NBPF9: variants seen among roughly 807,000 people sequenced by gnomAD.
The protein encoded by NBPF9 is NBPF family member NBPF9.
Under a neutral mutation model 97.8 loss-of-function variants are expected in NBPF9, and 91 were observed. That is an observed-to-expected ratio of 0.93 (90% CI 0.79 to 1.11). The LOEUF (loss-of-function observed/expected upper bound fraction) is 1.11, where lower values mean the gene tolerates loss of function less well. Ranked by LOEUF, NBPF9 falls within the 50% of genes least tolerant of loss-of-function variation. The pLI is 0.00. For missense variants in NBPF9, 992 were observed against 939.5 expected, an observed-to-expected ratio of 1.06 and a Z score of -0.73; for synonymous variants, 334 against 359.5, an observed-to-expected ratio of 0.93 and a Z score of 0.80.
At chr1:149,070,830 C>T in intron 16 of NBPF9, 104 bp downstream of exon 16, 1 of 1,441,916 alleles carries the variant, frequency 6.9e-7, no homozygotes, top group Non-Finnish European at 9.7e-7. Context: ...AGAAACCCAT[C>T]ACAGTTTTTT....
At chr1:149,075,375 A>G (rs1164176737) in intron 12 of NBPF9, among the ~76,000 whole-genome samples, 5 of 152,220 alleles carry the variant, frequency 3.3e-5, no homozygotes, top group African/African-American at 4.8e-5. Flanking sequence ...AACACGATTG[A>G]GCCTCTTGGA....
Position 149,059,948 on chromosome 1 carries a change from C to T in NBPF9, c.2477-140G>A, listed in dbSNP as rs2078490604. The T allele has an allele frequency of 2.4e-5, 10 of 423,594 alleles. 3 individuals carry two copies. The highest frequency in any genetic ancestry group is 4.3e-5 in the Admixed American group (1 of 23,236). 26.2% of individuals were successfully genotyped at this position (423,594 alleles called of 1,614,324 possible). A position where few individuals can be genotyped will look rare whatever the true frequency, so the allele number is the denominator to read the frequency against. ...ACTGTGAGAGATATATTTCAGGAGGCCTGAAGGCTGGTTATGATAGAAATT... is the reference window on the plus strand; with the variant it reads ...ACTGTGAGAGATATATTTCAGGAGGTCTGAAGGCTGGTTATGATAGAAATT... On this transcript the variant is annotated intron_variant, in intron 24 of 29. Coordinates refer to ENST00000584027, the Ensembl canonical transcript of NBPF9.
chr1:149,067,620 TCC>T (rs1246920584), intron 17 of NBPF9, among the ~76,000 whole-genome samples: 1 of 151,294 alleles, frequency 6.6e-6, no homozygotes, highest in Non-Finnish European at 1.5e-5. Flanking sequence ...TTCATCCATG[TCC>T]CTACAAAGGA....
chr1:149,097,154 A>C (rs1976449), intron 4 of NBPF9, among the ~76,000 whole-genome samples: 5,496 of 151,504 alleles, frequency 0.036, 339 homozygotes, highest in African/African-American at 0.13. Context: ...AGAGAGAAAA[A>C]GAGTGGGAGA....
chr1:149,078,865 C>T lies in NBPF9; in HGVS notation c.493+142G>A, dbSNP rs1347015393. On this transcript the variant is annotated intron_variant, in intron 9 of 29. Transcript: ENST00000584027. ...TGGGTTTCCCATCTCTGTTCTTACCCAGGAAGTCCTGATCGTGTCATGGCC... is the reference window on the plus strand; with the variant it reads ...TGGGTTTCCCATCTCTGTTCTTACCTAGGAAGTCCTGATCGTGTCATGGCC... 4.1e-6 allele frequency: 6 copies of T among 1,459,308 alleles called. No homozygotes were observed. The East Asian group carries it at 1.1e-4, about 28-fold the overall frequency. 90.4% of individuals were successfully genotyped at this position (1,459,308 alleles called of 1,614,324 possible). A position where few individuals can be genotyped will look rare whatever the true frequency, so the allele number is the denominator to read the frequency against.
chr1:149,055,706 C>A (rs781876636), exon 30 of NBPF9: 3 of 1,611,878 alleles, frequency 1.9e-6, no homozygotes, highest in Non-Finnish European at 1.7e-6. Context: ...AGACTTGTCA[C>A]CGTCAAAGTA....
At chr1:149,059,932 G>C (rs2078490130) in intron 24 of NBPF9, 124 bp from the exon 25 acceptor site, 1 of 428,278 alleles carries the variant, frequency 2.3e-6, no homozygotes, top group South Asian at 2.8e-5. Context: ...CACTGTGAGA[G>C]ATATATTTCA....
intron 22 of NBPF9, 68 bp from the exon 23 acceptor site, chr1:149,061,451 C>G (rs1192744971): frequency 4.8e-6 from 2 of 416,180 alleles, no homozygotes; most frequent in African/African-American, 5.4e-5. Context: ...AGTCCACTGT[C>G]TAATCCCCAC....
At chr1:149,099,074 C>T (rs1169528618) in intron 3 of NBPF9, among the ~76,000 whole-genome samples, 4 of 150,768 alleles carry the variant, frequency 2.7e-5, no homozygotes, top group Non-Finnish European at 5.9e-5. Flanking sequence ...AATAAAGAGT[C>T]CTGACTAAAT....
intron 4 of NBPF9, among the ~76,000 whole-genome samples, chr1:149,095,792 G>A (rs1360640154): frequency 3.9e-5 from 6 of 152,052 alleles, no homozygotes; most frequent in South Asian, 4.2e-4. Flanking sequence ...AACACAAAAC[G>A]GTGAACACAC....
In NBPF9 at chr1:149,061,147, G is replaced by T. The variant is rs2078571978; in HGVS notation, c.2303+185C>A. On this transcript the variant is annotated intron_variant, in intron 23 of 29. Coordinates refer to ENST00000584027, the Ensembl canonical transcript of NBPF9. ...GTCCACCTACAGTAGGTTAGTAAAT[G>T]ATAAGGGGAGGAAGAAATGGAAACC... The T allele has an allele frequency of 1.1e-3, 418 of 365,836 alleles. 133 individuals are homozygous for T. The highest frequency in any genetic ancestry group is 0.011 in the South Asian group (406 of 36,504). 22.7% of individuals were successfully genotyped at this position (365,836 alleles called of 1,614,324 possible).
chr1:149,086,966 A>C (rs1286754814), intron 5 of NBPF9, among the ~76,000 whole-genome samples: 6 of 152,042 alleles, frequency 3.9e-5, no homozygotes, highest in African/African-American at 1.2e-4. Context: ...TAGATTTTCA[A>C]AGGAGCCATA....
intron 17 of NBPF9, among the ~76,000 whole-genome samples, chr1:149,068,404 T>A (rs1439650313): frequency 0.33 from 49,856 of 149,328 alleles, 8,857 homozygotes; most frequent in Non-Finnish European, 0.38. Context: ...GAGACACACA[T>A]AGGCTCAAAA....
At chr1:149,072,870 C>A (rs587768291) in exon 14 of NBPF9, 8 of 1,605,774 alleles carry the variant, frequency 5.0e-6, no homozygotes, top group Non-Finnish European at 6.0e-6. Flanking sequence ...TCTCCCTTCC[C>A]GCAACTTCTC....
chr1:149,063,965 G>T (rs1406144538), intron 19 of NBPF9, among the ~76,000 whole-genome samples, 160 bp from the exon 20 acceptor site: 16 of 141,116 alleles, frequency 1.1e-4, no homozygotes, highest in Admixed American at 1.0e-3. Context: ...GATAGACTAG[G>T]GCCAGGTAGA....
intron 7 of NBPF9, among the ~76,000 whole-genome samples, chr1:149,081,334 A>G (rs1324919567): frequency 4.9e-4 from 75 of 152,032 alleles, no homozygotes; most frequent in Non-Finnish European, 6.5e-4. Context: ...TGCCCAGGCT[A>G]GTCTCAAACT....
chr1:149,084,957 G>A (rs2080867538), intron 5 of NBPF9, among the ~76,000 whole-genome samples: 1 of 151,808 alleles, frequency 6.6e-6, no homozygotes, highest in South Asian at 2.1e-4. Context: ...GGTATCCATG[G>A]CAATTTCATC....
chr1:149,064,892 G>A, intron 18 of NBPF9: 2 of 527,534 alleles, frequency 3.8e-6, no homozygotes, highest in Non-Finnish European at 3.4e-6. Flanking sequence ...GGGGTGCAAT[G>A]AACCAGCTCT....
intron 14 of NBPF9, among the ~76,000 whole-genome samples, chr1:149,072,470 G>C (rs187103165): frequency 4.6e-5 from 7 of 151,984 alleles, no homozygotes; most frequent in African/African-American, 1.7e-4. Context: ...TTTAAAACTA[G>C]ATAGATGCTG....
Sources: gnomAD v4.1 joint callset for allele counts (sites outside exome capture counted in the v4.1 genomes callset) on GRCh38, gnomAD v4.1.1 for gene constraint, MANE v1.5 for transcripts, NCBI Gene and HGNC (gene_info 2026-07-23, HGNC 2026-07-21) for gene names.